UBE3C: variants seen among roughly 807,000 people sequenced by gnomAD.
UBE3C encodes ubiquitin protein ligase E3C.
UBE3C carries 42 observed loss-of-function variants against 129.4 expected under a neutral mutation model. The observed-to-expected ratio is 0.32, with a 90% CI of 0.25 to 0.42. UBE3C has a LOEUF of 0.42. Ranked by LOEUF, UBE3C falls within the 10% of genes least tolerant of loss-of-function variation. The pLI is 1.00. For synonymous variants in UBE3C, 510 were observed against 492.4 expected (o/e 1.04, Z -0.47); for missense variants, 1,049 against 1,319.1 (o/e 0.80, Z 3.17).
chr7:157,230,165 G>A (rs527335222), intron 17 of UBE3C, among the ~76,000 whole-genome samples: 16 of 149,234 alleles, frequency 1.1e-4, no homozygotes, highest in Non-Finnish European at 1.5e-4. Context: ...CCACCTCAGC[G>A]TCCCAAAGTG....
chr7:157,173,334 C>T (rs912829781), intron 4 of UBE3C, among the ~76,000 whole-genome samples: 5 of 152,188 alleles, frequency 3.3e-5, no homozygotes, highest in East Asian at 1.9e-4. Context: ...TATGATCCTG[C>T]GACTGCACTC....
chr7:157,175,161 G>C (rs1294648712), intron 5 of UBE3C, 127 bp downstream of exon 5: 1 of 361,828 alleles, frequency 2.8e-6, no homozygotes, highest in Non-Finnish European at 4.1e-6. Context: ...TTTTTTTTGA[G>C]GTCATGGACT....
At chr7:157,218,952 A>G (rs1795660781) in intron 14 of UBE3C, among the ~76,000 whole-genome samples, 1 of 152,242 alleles carries the variant, frequency 6.6e-6, no homozygotes, top group Non-Finnish European at 1.5e-5. Flanking sequence ...GAAAAAAAGA[A>G]GTACTCAAGC....
chr7:157,250,413 C>G (rs1473711219), intron 19 of UBE3C, among the ~76,000 whole-genome samples: 1 of 152,086 alleles, frequency 6.6e-6, no homozygotes, highest in Non-Finnish European at 1.5e-5. Flanking sequence ...TCTCAAATTC[C>G]TGAGCTCAAG....
intron 11 of UBE3C, among the ~76,000 whole-genome samples, chr7:157,204,443 A>G (rs1809377228): frequency 6.7e-6 from 1 of 149,720 alleles, no homozygotes; most frequent in Admixed American, 6.8e-5. Flanking sequence ...TTCCTGCCCT[A>G]AGACTTGGGT....
chr7:157,162,972 A>G (rs1202612448), intron 1 of UBE3C, among the ~76,000 whole-genome samples: 1 of 151,780 alleles, frequency 6.6e-6, no homozygotes, highest in Non-Finnish European at 1.5e-5. Context: ...TCTACAAACC[A>G]AGTCATTTTG....
At chr7:157,164,255 G>A (rs1408786057) in intron 2 of UBE3C, among the ~76,000 whole-genome samples, 2 of 151,950 alleles carry the variant, frequency 1.3e-5, no homozygotes, top group African/African-American at 4.8e-5. Flanking sequence ...GACCTCCTGG[G>A]CTCGGTGATC....
intron 6 of UBE3C, among the ~76,000 whole-genome samples, chr7:157,180,053 A>T (rs1808627006): frequency 6.6e-6 from 1 of 152,220 alleles, no homozygotes; most frequent in Non-Finnish European, 1.5e-5. Context: ...GATATTTAAG[A>T]AATATGCATT....
chr7:157,257,880 A>G (rs191371718), intron 22 of UBE3C, among the ~76,000 whole-genome samples: 3 of 151,602 alleles, frequency 2.0e-5, no homozygotes, highest in East Asian at 1.9e-4. Flanking sequence ...ATATAATTAG[A>G]TAAGTACTGT....
intron 1 of UBE3C, among the ~76,000 whole-genome samples, chr7:157,158,050 CTTT>C (rs60257662): frequency 1.4e-4 from 14 of 101,110 alleles, no homozygotes; most frequent in East Asian, 3.1e-4. Context: ...CTCTTTTTTC[CTTT>C]TTTTTTTTTT....
chr7:157,144,720 A>G (rs991903095), intron 1 of UBE3C, among the ~76,000 whole-genome samples: 2 of 151,998 alleles, frequency 1.3e-5, no homozygotes, highest in Non-Finnish European at 2.9e-5. Flanking sequence ...TTTTTAGAGC[A>G]GTTTCAGGTT....
In UBE3C at chr7:157,225,529, T is replaced by A; in HGVS notation, c.2223T>A (p.Ser741=). 6.3e-7 allele frequency: 1 copy of A among 1,586,146 alleles called. No homozygotes were observed. Among genetic ancestry groups the A allele is most frequent in the Non-Finnish European group, 8.5e-7 (1 of 1,172,336 alleles). The part of the protein sequence containing the change: ...YIYEDAYDKL[S]PENEPDLKKR... ...ATGAAGATGCTTATGACAAACTTTCTCCAGAAAATGGTATATATAATTCTT... is the reference window on the plus strand; with the variant it reads ...ATGAAGATGCTTATGACAAACTTTCACCAGAAAATGGTATATATAATTCTT... The change falls in exon 17 of 23, where the codon TCT becomes TCA. Residue 741 remains serine, a synonymous_variant. Coordinates refer to ENST00000348165, the MANE Select transcript of UBE3C (RefSeq NM_014671.3).
At chr7:157,223,443 A>G in intron 16 of UBE3C, 92 bp downstream of exon 16, 6 of 1,110,566 alleles carry the variant, frequency 5.4e-6, no homozygotes, top group Non-Finnish European at 7.7e-6. Flanking sequence ...AAAGGTGCCT[A>G]GTGCCTGGCT....
At chr7:157,207,633 T>A (rs1809470617) in intron 12 of UBE3C, 70 bp from the exon 13 acceptor site, 1 of 1,584,844 alleles carries the variant, frequency 6.3e-7, no homozygotes, top group Non-Finnish European at 8.5e-7. Context: ...AGTTTTAAGC[T>A]TTTTAAGTCT....
chr7:157,156,729 A>C (rs950616555), intron 1 of UBE3C, among the ~76,000 whole-genome samples: 9 of 149,818 alleles, frequency 6.0e-5, no homozygotes, highest in African/African-American at 9.9e-5. Context: ...AAAAAAAAAA[A>C]ACACAAGCTA....
chr7:157,197,509 GTT>G (rs74600078), intron 10 of UBE3C: 18,428 of 631,488 alleles, frequency 0.029, 36 homozygotes, highest in African/African-American at 0.061. Context: ...AAAATAATTT[GTT>G]TTTTTTTTTT....
chr7:157,158,482 C>A (rs965679503), intron 1 of UBE3C, among the ~76,000 whole-genome samples: 6 of 152,162 alleles, frequency 3.9e-5, no homozygotes, highest in African/African-American at 1.4e-4. Flanking sequence ...ATCACAAAGG[C>A]TAGAGCTGCT....
intron 18 of UBE3C, among the ~76,000 whole-genome samples, chr7:157,240,517 T>C (rs1220463252): frequency 2.0e-5 from 3 of 152,166 alleles, no homozygotes; most frequent in East Asian, 1.9e-4. Flanking sequence ...GGGTTACTTT[T>C]TCTACACCCG....
At position 157,268,783 on chromosome 7, in the gene UBE3C, C is replaced by T. The variant is rs567195854; in HGVS notation, c.*1028C>T. ...GTGCACATCCAGGGAAGAGGAGTGT[C>T]GGTAGTTCTTGCAGTAGGCACTTTA... is the stretch of plus-strand genomic sequence containing the variant. On this transcript the variant is annotated 3_prime_UTR_variant, in exon 23 of 23. Coordinates refer to ENST00000348165, the MANE Select transcript of UBE3C (RefSeq NM_014671.3). 2.0e-5 allele frequency: 3 copies of T among 152,778 alleles called. No homozygotes were observed. Among genetic ancestry groups the T allele is most frequent in the East Asian group, 3.9e-4 (2 of 5,192 alleles). 9.5% of individuals were successfully genotyped at this position (152,778 alleles called of 1,614,324 possible).
Sources: allele counts gnomAD v4.1 joint callset (sites outside exome capture counted in the v4.1 genomes callset), GRCh38; gene constraint gnomAD v4.1.1; transcripts MANE v1.5; gene names NCBI Gene and HGNC (gene_info 2026-07-23, HGNC 2026-07-21).